COPB1: variants seen among roughly 807,000 people sequenced by gnomAD.
The protein encoded by COPB1 is coat protein complex I subunit beta 1.
COPB1 carries 21 observed loss-of-function variants against 108.7 expected under a neutral mutation model. The observed-to-expected ratio is 0.19, with a 90% confidence interval of 0.14 to 0.28. The LOEUF (loss-of-function observed/expected upper bound fraction) is 0.28. Among genes scored for constraint, COPB1 ranks in the 10% least tolerant of loss-of-function variants. The pLI is 1.00. For synonymous variants in COPB1, 378 were observed against 386.8 expected (o/e 0.98, Z 0.27); for missense variants, 919 against 1,141.3 (o/e 0.81, Z 2.81).
intron 1 of COPB1, 43 bp from the exon 2 acceptor site, chr11:14,499,028 A>C (rs1589972418): frequency 4.0e-6 from 4 of 995,448 alleles, no homozygotes; most frequent in Admixed American, 5.8e-5. Flanking sequence ...ATTAAAAAAA[A>C]AAAACCCACA....
chr11:14,469,279 G>A, intron 15 of COPB1, 57 bp downstream of exon 15: 1 of 1,403,962 alleles, frequency 7.1e-7, no homozygotes, highest in Non-Finnish European at 1.0e-6. Flanking sequence ...TTACAGGCGT[G>A]AGCCACTGCA....
chr11:14,474,206 T>C (rs1850468204), intron 14 of COPB1: 2 of 224,074 alleles, frequency 8.9e-6, no homozygotes, highest in Admixed American at 9.9e-5. Flanking sequence ...CCTGAACTAA[T>C]CCCAGCAAAC....
At position 14,494,265 on chromosome 11, in the gene COPB1, G is replaced by A; in HGVS notation, c.266C>T (p.Thr89Ile). 1 of 1,613,766 alleles carries A rather than the reference G, an allele frequency of 6.2e-7. No individual in the cohort carries two copies. Among genetic ancestry groups the A allele is most frequent in the Non-Finnish European group, 8.5e-7 (1 of 1,179,822 alleles). The change falls in exon 3 of 22, where the codon ACT becomes ATT. Residue 89 changes from threonine to isoleucine, a missense_variant. Coordinates refer to ENST00000439561, the MANE Select transcript of COPB1 (RefSeq NM_001144061.2). Reference sequence around the variant, plus strand: ...CTCATGTAAAAGTCTCCCATCTGGAGTTGTTTTAGGAACAATTTCCCAAAA... The same window carrying A: ...CTCATGTAAAAGTCTCCCATCTGGAATTGTTTTAGGAACAATTTCCCAAAA... ...LVFWEIVPKT[T>I]PDGRLLHEMI...
At chr11:14,475,062 C>G (rs1252119258) in intron 13 of COPB1, among the ~76,000 whole-genome samples, 1 of 137,118 alleles carries the variant, frequency 7.3e-6, no homozygotes, top group Non-Finnish European at 1.5e-5. Context: ...CCACTGCACT[C>G]TAGCGTGGCC....
intron 14 of COPB1, among the ~76,000 whole-genome samples, chr11:14,472,841 T>C (rs192352529): frequency 6.6e-6 from 1 of 152,352 alleles, no homozygotes; most frequent in African/African-American, 2.4e-5. Context: ...TCTCTCAGCC[T>C]TCATGGAATT....
chr11:14,479,855 G>A (rs993798637), intron 10 of COPB1, 141 bp from the exon 11 acceptor site: 16 of 811,906 alleles, frequency 2.0e-5, no homozygotes, highest in Non-Finnish European at 2.8e-5. Context: ...CCAGGCTAGA[G>A]AATAGTGGCA....
At position 14,477,023 on chromosome 11, in the gene COPB1, A is replaced by G. The variant is rs765182320; in HGVS notation, c.1359-8T>C. ...AATGCTCCTCGGTAAATCCTAGCAC[A>G]ATACAAGATCTGAAACATGAACTTG... On this transcript the variant is annotated splice_region_variant and splice_polypyrimidine_tract_variant and intron_variant, in intron 11 of 21. Transcript: ENST00000439561. The G allele has an allele frequency of 6.5e-7, 1 of 1,543,854 alleles. No homozygotes were observed. Among genetic ancestry groups the G allele is most frequent in the East Asian group, 2.2e-5 (1 of 44,496 alleles).
chr11:14,482,257 T>C (rs1411450940), intron 8 of COPB1, among the ~76,000 whole-genome samples: 2 of 152,214 alleles, frequency 1.3e-5, no homozygotes, highest in Non-Finnish European at 1.5e-5. Flanking sequence ...ATAATGTCCT[T>C]CATAGAAATT....
At chr11:14,485,847 C>T (rs959106699) in intron 7 of COPB1, among the ~76,000 whole-genome samples, 7 of 151,932 alleles carry the variant, frequency 4.6e-5, no homozygotes, top group Non-Finnish European at 1.0e-4. Flanking sequence ...TGTCTCAAAA[C>T]AAAACAAAAC....
chr11:14,496,684 GAA>G (rs35125378), intron 2 of COPB1, among the ~76,000 whole-genome samples: 91 of 143,750 alleles, frequency 6.3e-4, no homozygotes, highest in Middle Eastern at 3.7e-3. Flanking sequence ...ATTCTTCACA[GAA>G]AAAAAAAAAA....
intron 17 of COPB1, among the ~76,000 whole-genome samples, chr11:14,465,437 ATCC>A (rs1008383846): frequency 3.9e-5 from 6 of 152,224 alleles, no homozygotes; most frequent in Admixed American, 1.3e-4. Context: ...GGCTCAAGCG[ATCC>A]TCCTACCTCA....
At chr11:14,464,787 G>C in intron 18 of COPB1, 124 bp downstream of exon 18, 1 of 1,031,562 alleles carries the variant, frequency 9.7e-7, no homozygotes, top group Non-Finnish European at 1.4e-6. Context: ...ACCATAGAGA[G>C]TATCTCATAA....
chr11:14,484,240 A>G (rs1433076578), intron 7 of COPB1, among the ~76,000 whole-genome samples: 1 of 152,260 alleles, frequency 6.6e-6, no homozygotes, highest in African/African-American at 2.4e-5. Context: ...TGACCACTGC[A>G]TACAATATGG....
rs752910309 is a variant in COPB1 at position 14,493,831 on chromosome 11, A to G, written c.322-20T>C. The G allele has an allele frequency of 6.6e-6, 10 of 1,521,006 alleles. No homozygotes were observed. Among genetic ancestry groups the G allele is most frequent in the Admixed American group, 2.2e-5 (1 of 46,324 alleles). 94.2% of individuals were successfully genotyped at this position (1,521,006 alleles called of 1,614,324 possible). ...AAGATCCTGATATAAAAATTAAAAT[A>G]TGAAATGCTGAGTTTCAGCTTTTTA... On this transcript the variant is annotated intron_variant, in intron 3 of 21. Transcript: ENST00000439561.
At position 14,470,899 on chromosome 11, in the gene COPB1, TACACACACACACACACACACAC is replaced by T. The variant is rs56957263; in HGVS notation, c.1738-1358_1738-1337del. Among the ~76,000 whole-genome samples the T allele has an allele frequency of 2.0e-3, 268 of 134,856 alleles. 3 individuals carry two copies. The highest frequency in any genetic ancestry group is 7.0e-3 in the African/African-American group (241 of 34,550). 88.5% of individuals were successfully genotyped at this position (134,856 alleles called of 152,430 possible). A position where few individuals can be genotyped will look rare whatever the true frequency, so the allele number is the denominator to read the frequency against. Reference sequence around the variant, plus strand: ...GAAAATCTAAAACCAGTGGAAGAAATACACACACACACACACACACACACACACACACACACACACACACACT... The same window carrying T: ...GAAAATCTAAAACCAGTGGAAGAAATACACACACACACACACACACACACT... On this transcript the variant is annotated intron_variant, in intron 14 of 21. Coordinates refer to ENST00000439561, the MANE Select transcript of COPB1 (RefSeq NM_001144061.2).
Position 14,479,716 on chromosome 11 carries a change from T to TAAAA in COPB1, c.1213-6_1213-3dup. On this transcript the variant is annotated splice_region_variant and splice_polypyrimidine_tract_variant and intron_variant, in intron 10 of 21. Coordinates refer to ENST00000439561, the MANE Select transcript of COPB1 (RefSeq NM_001144061.2). ...GTTGTCACTGAGAAATTCCATTAAC[T>TAAAA]AAAAGAAAAAAAAAAAAAAGAAAAT... 7.2e-7 allele frequency: 1 copy of TAAAA among 1,386,982 alleles called. No homozygotes were observed. The highest frequency in any genetic ancestry group is 9.4e-7 in the Non-Finnish European group (1 of 1,065,378). The allele number at this position is 1,386,982 out of a possible 1,614,324, so 85.9% of individuals were successfully genotyped here.
chr11:14,483,161 AAAAG>A lies in COPB1; in HGVS notation c.838-14_838-11del. Reference sequence around the variant, plus strand: ...AACACTGAGCAGCAGCCTATATAAAAAAAGAAATACATTTTAAGAAGTTATTCAT... The same window carrying A: ...AACACTGAGCAGCAGCCTATATAAAAAAATACATTTTAAGAAGTTATTCAT... On this transcript the variant is annotated splice_polypyrimidine_tract_variant and intron_variant, in intron 7 of 21. Coordinates refer to ENST00000439561, the MANE Select transcript of COPB1 (RefSeq NM_001144061.2). 1 of 1,527,472 alleles carries A rather than the reference AAAAG, an allele frequency of 6.5e-7. No homozygotes were observed. The highest frequency in any genetic ancestry group is 8.9e-7 in the Non-Finnish European group (1 of 1,129,350). 94.6% of individuals were successfully genotyped at this position (1,527,472 alleles called of 1,614,324 possible). A position where few individuals can be genotyped will look rare whatever the true frequency, so the allele number is the denominator to read the frequency against.
rs995921010 is a variant in COPB1 at position 14,481,009 on chromosome 11, G to C, written c.1046C>G (p.Ser349Cys). The C allele has an allele frequency of 6.2e-7, 1 of 1,613,800 alleles. No individual in the cohort carries two copies. Among genetic ancestry groups the C allele is most frequent in the African/African-American group, 1.3e-5 (1 of 74,930 alleles). ...KTLQLALDLV[S>C]SRNVEELVIV... ...TTTTACCTCTTCAACATTTCTAGAA[G>C]AGACAAGATCCAGTGCTAACTGCAG... Residue 349 changes from serine (S) to cysteine (C), a missense_variant, in exon 9 of 22, where the codon TCT becomes TGT. This residue lies in a region of COPB1 where 705 missense variants were observed against 817.8 expected (regional missense o/e 0.86). Transcript: ENST00000439561.
intron 2 of COPB1, among the ~76,000 whole-genome samples, chr11:14,497,823 A>C (rs1051518273): frequency 2.0e-5 from 3 of 152,212 alleles, no homozygotes; most frequent in African/African-American, 7.2e-5. Context: ...GTATAAAGAA[A>C]ATGTGGTACA....
Sources: gnomAD v4.1 joint callset for allele counts (sites outside exome capture counted in the v4.1 genomes callset) on GRCh38, gnomAD v4.1.1 for gene constraint, gnomAD v4.1.1 regional missense constraint, MANE v1.5 for transcripts, NCBI Gene and HGNC (gene_info 2026-07-23, HGNC 2026-07-21) for gene names.